LRMDA: variants seen among roughly 807,000 people sequenced by gnomAD.
LRMDA encodes leucine rich melanocyte differentiation associated.
Under a neutral mutation model 29.8 loss-of-function variants are expected in LRMDA, and 18 were observed. The observed-to-expected ratio is 0.60, with a 90% CI of 0.42 to 0.90. The LOEUF is 0.90. Ranked by LOEUF, LRMDA falls within the 40% of genes least tolerant of loss-of-function variation. The probability of loss-of-function intolerance (pLI) is 0.00; values close to 1 mark genes in which losing one functional copy is unlikely to be tolerated. For missense variants in LRMDA, 273 were observed against 273.9 expected, an observed-to-expected ratio of 1.00 and a Z score of 0.02; for synonymous variants, 125 against 109.4, an observed-to-expected ratio of 1.14 and a Z score of -0.89.
chr10:75,450,095 A>T (rs1193208201), intron 2 of LRMDA: 2 of 152,168 alleles, frequency 1.3e-5, no homozygotes. Context: ...GTTTAATTGC[A>T]GGGATATAAT....
chr10:75,964,201 G>A (rs767861126), intron 2 of LRMDA, among the ~76,000 whole-genome samples: 3 of 152,096 alleles, frequency 2.0e-5, no homozygotes, highest in Non-Finnish European at 4.4e-5. Flanking sequence ...AATGAATGTA[G>A]CCCTGTGTTC....
At chr10:75,715,260 A>G (rs1398988631) in intron 2 of LRMDA, among the ~76,000 whole-genome samples, 1 of 152,222 alleles carries the variant, frequency 6.6e-6, no homozygotes, top group Non-Finnish European at 1.5e-5. Flanking sequence ...GGATGGTAAT[A>G]AACAAAAGAA....
chr10:75,741,159 A>G (rs1842824124), intron 2 of LRMDA, among the ~76,000 whole-genome samples: 1 of 152,170 alleles, frequency 6.6e-6, no homozygotes, highest in South Asian at 2.1e-4. Context: ...CAAACAGCAC[A>G]AGGCTGGAAT....
At chr10:75,798,961 G>C (rs1843701048) in intron 2 of LRMDA, among the ~76,000 whole-genome samples, 1 of 152,048 alleles carries the variant, frequency 6.6e-6, no homozygotes, top group African/African-American at 2.4e-5. Flanking sequence ...ATGGCATATG[G>C]TCTATGTTCA....
At chr10:76,283,820 T>C (rs1211086857) in intron 5 of LRMDA, among the ~76,000 whole-genome samples, 3 of 152,100 alleles carry the variant, frequency 2.0e-5, no homozygotes, top group Non-Finnish European at 4.4e-5. Context: ...TGCCACTGTG[T>C]TTCACTGCTT....
At chr10:76,377,286 T>C (rs1045003586) in intron 6 of LRMDA, among the ~76,000 whole-genome samples, 4 of 152,226 alleles carry the variant, frequency 2.6e-5, no homozygotes, top group African/African-American at 4.8e-5. Flanking sequence ...TCCTTGCAGA[T>C]TCTGGATATT....
At chr10:76,367,086 C>CA (rs1181024104) in intron 6 of LRMDA, among the ~76,000 whole-genome samples, 1 of 152,188 alleles carries the variant, frequency 6.6e-6, no homozygotes, top group African/African-American at 2.4e-5. Flanking sequence ...ACCATCCCTG[C>CA]ATCCCTGGTA....
At chr10:76,202,163 C>G (rs1052761270) in intron 5 of LRMDA, among the ~76,000 whole-genome samples, 6 of 152,084 alleles carry the variant, frequency 3.9e-5, no homozygotes, top group Non-Finnish European at 7.4e-5. Flanking sequence ...TGGCCAAGCC[C>G]AGAGTCAACA....
At chr10:75,596,299 C>T (rs1181586176) in intron 2 of LRMDA, among the ~76,000 whole-genome samples, 2 of 152,202 alleles carry the variant, frequency 1.3e-5, no homozygotes, top group Non-Finnish European at 2.9e-5. Flanking sequence ...CTGGTATCTG[C>T]ACTCTCCGCC....
intron 4 of LRMDA, among the ~76,000 whole-genome samples, chr10:76,057,310 A>C (rs1296863053): frequency 1.3e-5 from 2 of 152,216 alleles, no homozygotes; most frequent in Non-Finnish European, 2.9e-5. Context: ...CTTTGAGAGC[A>C]GGAAGCATGT....
At chr10:75,807,473 A>T (rs1286247112) in intron 2 of LRMDA, among the ~76,000 whole-genome samples, 1 of 151,952 alleles carries the variant, frequency 6.6e-6, no homozygotes, top group East Asian at 1.9e-4. Flanking sequence ...GCAAATTATT[A>T]TTTTTCTGTT....
chr10:76,502,007 C>A (rs576042042), intron 6 of LRMDA, among the ~76,000 whole-genome samples: 2 of 151,916 alleles, frequency 1.3e-5, no homozygotes, highest in Non-Finnish European at 2.9e-5. Flanking sequence ...ACATTTAAAT[C>A]TTTAATCCAT....
chr10:76,162,257 G>T (rs1243469498), intron 5 of LRMDA, among the ~76,000 whole-genome samples: 1 of 152,156 alleles, frequency 6.6e-6, no homozygotes, highest in Non-Finnish European at 1.5e-5. Flanking sequence ...TAGGTGGAGG[G>T]AAGAAGAAAG....
intron 1 of LRMDA, among the ~76,000 whole-genome samples, chr10:75,432,732 G>A (rs1379559801): frequency 6.6e-6 from 1 of 152,252 alleles, no homozygotes; most frequent in Non-Finnish European, 1.5e-5. Context: ...CCTTAGAGGA[G>A]ATTCTAGGGG....
intron 6 of LRMDA, among the ~76,000 whole-genome samples, chr10:76,359,601 A>C (rs1008300851): frequency 1.3e-5 from 2 of 152,196 alleles, no homozygotes; most frequent in African/African-American, 4.8e-5. Flanking sequence ...GCCTTTCAGT[A>C]CTATCCTTCA....
At chr10:76,094,369 C>T (rs564146977) in intron 5 of LRMDA, among the ~76,000 whole-genome samples, 16 of 151,850 alleles carry the variant, frequency 1.1e-4, no homozygotes, top group East Asian at 1.9e-4. Context: ...ATTTTATTTC[C>T]GTATATGTGA....
chr10:75,946,830 A>G (rs943406941), intron 2 of LRMDA, among the ~76,000 whole-genome samples: 5 of 152,068 alleles, frequency 3.3e-5, no homozygotes, highest in South Asian at 2.1e-4. Flanking sequence ...GCAGGGGTCC[A>G]CTCTTAGGAG....
intron 5 of LRMDA, among the ~76,000 whole-genome samples, chr10:76,165,552 G>A (rs553112376): frequency 1.9e-4 from 29 of 152,322 alleles, no homozygotes; most frequent in African/African-American, 6.5e-4. Flanking sequence ...GATTACAGGC[G>A]TGAGCCATTG....
At chr10:75,581,262 A>G (rs1840587118) in intron 2 of LRMDA, among the ~76,000 whole-genome samples, 1 of 152,248 alleles carries the variant, frequency 6.6e-6, no homozygotes, top group Non-Finnish European at 1.5e-5. Flanking sequence ...GAAGTATATG[A>G]ACAGACACTT....
Sources: gnomAD v4.1 joint callset for allele counts (sites outside exome capture counted in the v4.1 genomes callset) on GRCh38, gnomAD v4.1.1 for gene constraint, MANE v1.5 for transcripts, NCBI Gene and HGNC (gene_info 2026-07-23, HGNC 2026-07-21) for gene names.